The following CCDC171 variants were observed in gnomAD, a reference collection of about 807,000 sequenced individuals.
The protein encoded by CCDC171 is coiled-coil domain-containing protein 171.
Under a neutral mutation model 168.2 loss-of-function variants are expected in CCDC171, and 177 were observed. That is an observed-to-expected ratio of 1.05 (90% CI 0.93 to 1.19). The LOEUF (loss-of-function observed/expected upper bound fraction) is 1.19, where lower values mean the gene tolerates loss of function less well. Among genes scored for constraint, CCDC171 ranks in the 50% most tolerant of loss-of-function variants. The pLI is 0.00. For missense variants in CCDC171, 1,991 were observed against 1,539.0 expected (o/e 1.29, Z -4.91); for synonymous variants, 687 against 540.8 (o/e 1.27, Z -3.75).
chr9:15,937,085 C>G (rs773763452), intron 25 of CCDC171, among the ~76,000 whole-genome samples: 4 of 152,074 alleles, frequency 2.6e-5, no homozygotes, highest in Non-Finnish European at 4.4e-5. Flanking sequence ...AGTTGACTGA[C>G]ATAAGAATTA....
At position 15,591,452 on chromosome 9, in the gene CCDC171, A is replaced by T. The variant is rs759794796; in HGVS notation, c.439A>T (p.Arg147Ter). Residue 147 changes from arginine to a stop codon, truncating the protein, a stop_gained, in exon 5 of 26, where the codon AGA becomes TGA. Transcript: ENST00000380701. LOFTEE classifies it high-confidence loss of function. ...GCAAAAATGGAAAGAAGAATGCAGAAGATTTGAACATGATTTGGAGGAAAG... is the reference window on the plus strand; with the variant it reads ...GCAAAAATGGAAAGAAGAATGCAGATGATTTGAACATGATTTGGAGGAAAG... ...SQQKWKEECR[R>*]FEHDLEERDN... 6.2e-7 allele frequency: 1 copy of T among 1,608,818 alleles called. No homozygotes were observed. The highest frequency in any genetic ancestry group is 1.3e-5 in the African/African-American group (1 of 74,860).
chr9:15,844,413 A>T (rs1055438219), intron 21 of CCDC171, among the ~76,000 whole-genome samples: 1 of 151,966 alleles, frequency 6.6e-6, no homozygotes, highest in African/African-American at 2.4e-5. Flanking sequence ...AAAAAGGTTA[A>T]GTATTAGGGA....
chr9:15,630,961 C>G (rs1330278313), intron 7 of CCDC171, among the ~76,000 whole-genome samples: 7 of 152,112 alleles, frequency 4.6e-5, no homozygotes, highest in African/African-American at 1.7e-4. Context: ...TAAAGATGTT[C>G]TTTGAAACCA....
intron 23 of CCDC171, among the ~76,000 whole-genome samples, chr9:15,856,639 C>G (rs1419667748): frequency 6.6e-6 from 1 of 151,942 alleles, no homozygotes; most frequent in Non-Finnish European, 1.5e-5. Context: ...CAGATCTTGG[C>G]TATTATAAAT....
intron 24 of CCDC171, among the ~76,000 whole-genome samples, chr9:15,901,151 T>C (rs1213478620): frequency 6.6e-6 from 1 of 152,126 alleles, no homozygotes; most frequent in African/African-American, 2.4e-5. Context: ...ATAAAAACTA[T>C]TGAGAAAATG....
At chr9:15,614,432 T>C (rs550650962) in intron 6 of CCDC171, among the ~76,000 whole-genome samples, 2 of 152,366 alleles carry the variant, frequency 1.3e-5, no homozygotes, top group South Asian at 4.1e-4. Context: ...CATATCTCAC[T>C]ATTCTTATTG....
At chr9:15,660,552 T>G (rs1260032432) in intron 8 of CCDC171, among the ~76,000 whole-genome samples, 1 of 152,214 alleles carries the variant, frequency 6.6e-6, no homozygotes, top group Non-Finnish European at 1.5e-5. Flanking sequence ...AGCTTCTACT[T>G]ATAAGTGAGA....
chr9:16,091,683 A>C, the CCDC171 span, among the ~76,000 whole-genome samples: 1 of 152,284 alleles, frequency 6.6e-6, no homozygotes, highest in East Asian at 1.9e-4. Context: ...CTGCAGTTGC[A>C]AGGGAAGGCC....
intron 21 of CCDC171, among the ~76,000 whole-genome samples, chr9:15,832,877 T>C (rs1185714906): frequency 6.6e-6 from 1 of 152,142 alleles, no homozygotes; most frequent in African/African-American, 2.4e-5. Flanking sequence ...TTAAAACTTT[T>C]TTGGCAAAAA....
chr9:15,826,593 C>T (rs2060021918), intron 21 of CCDC171, among the ~76,000 whole-genome samples: 1 of 152,172 alleles, frequency 6.6e-6, no homozygotes, highest in Admixed American at 6.5e-5. Context: ...TCTGGGAAAG[C>T]CTGGGTCACA....
At chr9:15,656,508 TA>T (rs2047949127) in intron 7 of CCDC171, among the ~76,000 whole-genome samples, 1 of 152,194 alleles carries the variant, frequency 6.6e-6, no homozygotes, top group Admixed American at 6.5e-5. Context: ...GGTGAACAGA[TA>T]AACCAATTGT....
intron 9 of CCDC171, among the ~76,000 whole-genome samples, chr9:15,672,643 T>C (rs1362659300): frequency 2.0e-5 from 3 of 152,118 alleles, no homozygotes; most frequent in African/African-American, 7.2e-5. Context: ...TCAGGTTTGT[T>C]GAAGATCAGA....
intron 8 of CCDC171, among the ~76,000 whole-genome samples, chr9:16,037,725 T>C (rs10756740): frequency 0.41 from 61,682 of 151,902 alleles, 14,093 homozygotes; most frequent in East Asian, 0.74. Flanking sequence ...ACAGATTAGA[T>C]ATGGTTAAAG....
the CCDC171 span, among the ~76,000 whole-genome samples, chr9:16,102,110 T>C: frequency 0.26 from 39,898 of 152,124 alleles, 6,416 homozygotes; most frequent in African/African-American, 0.46. Flanking sequence ...TACAGGGGTT[T>C]CTGGTGTAGG....
chr9:15,611,993 A>C (rs762899525), intron 6 of CCDC171, among the ~76,000 whole-genome samples: 1 of 152,192 alleles, frequency 6.6e-6, no homozygotes, highest in Non-Finnish European at 1.5e-5. Flanking sequence ...AAGGGACTGA[A>C]GAACCAGAGT....
At chr9:15,712,362 C>G (rs938230256) in intron 11 of CCDC171, among the ~76,000 whole-genome samples, 12 of 152,148 alleles carry the variant, frequency 7.9e-5, no homozygotes, top group Non-Finnish European at 7.4e-5. Context: ...ACTTTCTTTT[C>G]TATGAATTTG....
chr9:15,659,070 A>G (rs1416326013), intron 8 of CCDC171, among the ~76,000 whole-genome samples: 4 of 152,200 alleles, frequency 2.6e-5, no homozygotes, highest in Non-Finnish European at 4.4e-5. Flanking sequence ...AAGAGAGACA[A>G]TGGTAAGTTT....
At chr9:15,764,372 G>C (rs567481142) in intron 18 of CCDC171, among the ~76,000 whole-genome samples, 1 of 152,326 alleles carries the variant, frequency 6.6e-6, no homozygotes, top group South Asian at 2.1e-4. Context: ...AGTGTTCTAA[G>C]ATGAGGAACA....
At chr9:15,988,547 C>T (rs1010432656) in intron 3 of CCDC171, among the ~76,000 whole-genome samples, 4 of 152,180 alleles carry the variant, frequency 2.6e-5, no homozygotes, top group African/African-American at 7.2e-5. Context: ...GTACCAGGTT[C>T]ATCTCACTGG....
Sources: allele counts gnomAD v4.1 joint callset (sites outside exome capture counted in the v4.1 genomes callset), GRCh38; gene constraint gnomAD v4.1.1; transcripts MANE v1.5; gene names NCBI Gene and HGNC (gene_info 2026-07-23, HGNC 2026-07-21).